Variants in LMO7 observed in about 807,000 individuals in gnomAD.
LMO7 encodes the protein LIM domain only protein 7.
In LMO7, 120 loss-of-function variants were observed where a neutral mutation model predicts 206.5. The ratio of observed to expected loss-of-function variants is 0.58; its 90% CI spans 0.50 to 0.68. LMO7 has a LOEUF of 0.68. Among genes scored for constraint, LMO7 ranks in the 30% least tolerant of loss-of-function variants. LMO7 has a pLI of 0.00. For missense variants in LMO7, 1,959 were observed against 1,957.9 expected (o/e 1.00, Z -0.01); for synonymous variants, 706 against 681.5 (o/e 1.04, Z -0.56).
In LMO7 at chr13:75,636,694, G is replaced by A; in HGVS notation, c.37G>A (p.Val13Met). ...GLEEAEANCS[V>M]AFAEAQRWVE... ...GGAGGAGGCAGAGGCCAACTGCTCCGTGGCGTTCGCTGAGGCTCAGAGATG... is the reference window on the plus strand; with the variant it reads ...GGAGGAGGCAGAGGCCAACTGCTCCATGGCGTTCGCTGAGGCTCAGAGATG... The change falls in exon 1 of 31, where the codon GTG becomes ATG. Residue 13 changes from valine (V) to methionine (M), a missense_variant. By Grantham distance (21) the Val-to-Met change is conservative. Coordinates refer to ENST00000377534, the MANE Select transcript of LMO7 (RefSeq NM_001306080.2). 6.2e-7 allele frequency: 1 copy of A among 1,609,756 alleles called. No individual in the cohort carries two copies. The highest frequency in any genetic ancestry group is 8.5e-7 in the Non-Finnish European group (1 of 1,178,756).
At chr13:75,751,056 A>G (rs2047224555) in intron 3 of LMO7, among the ~76,000 whole-genome samples, 2 of 151,624 alleles carry the variant, frequency 1.3e-5, no homozygotes, top group South Asian at 2.1e-4. Flanking sequence ...GGACTTTGCC[A>G]GATTATAAAT....
At chr13:75,714,141 G>GT (rs2043332894) in intron 2 of LMO7, among the ~76,000 whole-genome samples, 1 of 152,176 alleles carries the variant, frequency 6.6e-6, no homozygotes, top group Non-Finnish European at 1.5e-5. Context: ...TTTTGAAGGA[G>GT]TTGTTTGCAG....
chr13:75,639,633 A>G (rs1174040063), intron 1 of LMO7, among the ~76,000 whole-genome samples: 1 of 152,182 alleles, frequency 6.6e-6, no homozygotes, highest in Non-Finnish European at 1.5e-5. Flanking sequence ...TTCTATGCCT[A>G]ATAGTTGCCT....
At chr13:75,735,487 G>C (rs2045727901) in intron 3 of LMO7, among the ~76,000 whole-genome samples, 1 of 152,104 alleles carries the variant, frequency 6.6e-6, no homozygotes, top group Middle Eastern at 3.2e-3. Flanking sequence ...TTTTGAGATG[G>C]AGTCTCACTC....
chr13:75,769,883 A>T (rs1446504400), intron 4 of LMO7, among the ~76,000 whole-genome samples: 1 of 152,064 alleles, frequency 6.6e-6, no homozygotes, highest in Non-Finnish European at 1.5e-5. Flanking sequence ...ATTCTATTTA[A>T]TTTACTGAGA....
In LMO7 at chr13:75,730,624, T is replaced by C. The variant is rs1160780018; in HGVS notation, c.210+3526T>C. Reference sequence around the variant, plus strand: ...TTTGAAGGGTTTTTTGTGTCTCTATTTCCTTCAGTTCTGCTCTGATTTTAG... The same window carrying C: ...TTTGAAGGGTTTTTTGTGTCTCTATCTCCTTCAGTTCTGCTCTGATTTTAG... On this transcript the variant is annotated intron_variant, in intron 3 of 30. Transcript: ENST00000377534. Among the ~76,000 whole-genome samples, 8 of 146,382 alleles carry C rather than the reference T, an allele frequency of 5.5e-5. No homozygotes were observed. In the East Asian group the frequency reaches 1.6e-3, roughly 29 times the overall value.
chr13:75,817,954 G>C (rs1343827015), intron 12 of LMO7, among the ~76,000 whole-genome samples: 1 of 152,086 alleles, frequency 6.6e-6, no homozygotes, highest in Non-Finnish European at 1.5e-5. Context: ...CAAACTATCA[G>C]AGCAAACCCA....
intron 15 of LMO7, among the ~76,000 whole-genome samples, chr13:75,829,193 G>A (rs1366835851): frequency 5.3e-5 from 8 of 152,126 alleles, no homozygotes; most frequent in Non-Finnish European, 1.5e-5. Context: ...AGAAAAAAGA[G>A]GAACATGCTA....
At chr13:75,633,709 G>C (rs1165211579), upstream of LMO7, among the ~76,000 whole-genome samples, 1 of 152,168 alleles carries the variant, frequency 6.6e-6, no homozygotes, top group Non-Finnish European at 1.5e-5. Flanking sequence ...CCTGGTCTGA[G>C]TAAGTCAGCT....
At chr13:75,851,468 G>A (rs1193810413) in intron 27 of LMO7, among the ~76,000 whole-genome samples, 1 of 152,250 alleles carries the variant, frequency 6.6e-6, no homozygotes, top group Non-Finnish European at 1.5e-5. Flanking sequence ...GGGCAGGTGA[G>A]TCGTGAGACA....
intron 4 of LMO7, among the ~76,000 whole-genome samples, chr13:75,777,849 G>A (rs1363227869): frequency 6.6e-6 from 1 of 151,986 alleles, no homozygotes; most frequent in Non-Finnish European, 1.5e-5. Flanking sequence ...GTTTCACCGT[G>A]TTAGCCAGGA....
At position 75,636,465 on chromosome 13, in the gene LMO7, G is replaced by C. The variant is rs1242053224; in HGVS notation, c.-193G>C. ...TAGAGAAAGCCAGGTCTTCACGTTC[G>C]TGTAGGTTCGAGACCTTAACGAACT... On this transcript the variant is annotated 5_prime_UTR_variant, in exon 1 of 31. Coordinates refer to ENST00000377534, the MANE Select transcript of LMO7 (RefSeq NM_001306080.2). 7.0e-7 allele frequency: 1 copy of C among 1,434,518 alleles called. No homozygotes were observed. 88.9% of individuals were successfully genotyped at this position (1,434,518 alleles called of 1,614,324 possible).
chr13:75,671,171 C>G (rs547691216), intron 1 of LMO7, among the ~76,000 whole-genome samples: 2 of 151,838 alleles, frequency 1.3e-5, no homozygotes, highest in East Asian at 3.9e-4. Context: ...TCTGGAATAC[C>G]TCCTGAGGGA....
intron 1 of LMO7, among the ~76,000 whole-genome samples, chr13:75,705,436 T>A (rs966617798): frequency 8.5e-5 from 13 of 152,184 alleles, no homozygotes; most frequent in Non-Finnish European, 1.6e-4. Flanking sequence ...ATGATTTTAT[T>A]TAACTGCCTT....
chr13:75,802,698 G>T (rs1354654803), intron 7 of LMO7, among the ~76,000 whole-genome samples: 1 of 152,132 alleles, frequency 6.6e-6, no homozygotes, highest in Non-Finnish European at 1.5e-5. Flanking sequence ...TTTAAAGAGT[G>T]CGTAAGTGAA....
chr13:75,654,882 T>A (rs1213104108), intron 1 of LMO7, among the ~76,000 whole-genome samples: 1 of 151,616 alleles, frequency 6.6e-6, no homozygotes, highest in Admixed American at 6.6e-5. Context: ...CTCTCTTTTT[T>A]TTTTTTTGAC....
At chr13:75,800,349 G>A (rs1185043763) in intron 6 of LMO7, among the ~76,000 whole-genome samples, 1 of 152,054 alleles carries the variant, frequency 6.6e-6, no homozygotes, top group Non-Finnish European at 1.5e-5. Context: ...ACTGAGTTTA[G>A]CATTTCAATG....
chr13:75,802,594 A>C (rs9600553), intron 7 of LMO7, among the ~76,000 whole-genome samples: 1 of 152,206 alleles, frequency 6.6e-6, no homozygotes, highest in Non-Finnish European at 1.5e-5. Flanking sequence ...GTCTTCTCAG[A>C]TCCTTGTTGG....
chr13:75,840,465 G>T lies in LMO7; in HGVS notation c.3552G>T (p.Arg1184Ser). 1.2e-6 allele frequency: 2 copies of T among 1,613,976 alleles called. No homozygotes were observed. Among genetic ancestry groups the T allele is most frequent in the South Asian group, 2.2e-5 (2 of 91,058 alleles). Residue 1184 changes from arginine to serine, a missense_variant, in exon 22 of 31, where the codon AGG becomes AGT. By Grantham distance (110) the Arg-to-Ser change is moderately radical. Transcript: ENST00000377534. ...DQEEERKRQE[R>S]WQKEQDRLLQ... The stretch of plus-strand genomic sequence containing the variant: ...AGGAGGAGCGGAAGCGGCAGGAGAG[G>T]TGGCAGAAGGAGCAGGACCGCCTAC...
Sources: gnomAD v4.1 joint callset for allele counts (sites outside exome capture counted in the v4.1 genomes callset) on GRCh38, gnomAD v4.1.1 for gene constraint, MANE v1.5 for transcripts, NCBI Gene and HGNC (gene_info 2026-07-23, HGNC 2026-07-21) for gene names.